Variants in CARNS1 observed in about 807,000 individuals in gnomAD.
CARNS1 encodes carnosine synthase 1, also known as ATP-grasp domain containing 1.
CARNS1 carries 61 observed loss-of-function variants against 74.0 expected under a neutral mutation model. The observed-to-expected ratio is 0.82, with a 90% CI of 0.67 to 1.02. The LOEUF is 1.02. Among genes scored for constraint, CARNS1 ranks in the 50% least tolerant of loss-of-function variants. The pLI, the probability that CARNS1 is intolerant of heterozygous loss-of-function variation, is 0.00. For missense variants in CARNS1, 1,278 were observed against 1,308.4 expected (o/e 0.98, Z 0.36); for synonymous variants, 568 against 605.5 (o/e 0.94, Z 0.91).
Position 67,419,066 on chromosome 11 carries a change from T to G in CARNS1, c.675T>G (p.Gly225=). 1 of 1,560,872 alleles carries G rather than the reference T, an allele frequency of 6.4e-7. No individual in the cohort carries two copies. ...GGCAGTTGCTGGCCCAGCAGGGTGG[T>G]GTGGCTGTGCCAGCAACCCTGGCTT... ...LTRQLLAQQG[G]VAVPATLAFT... Residue 225 remains glycine, a synonymous_variant, in exon 5 of 10, where the codon GGT becomes GGG. Transcript: ENST00000687366.
At position 67,420,869 on chromosome 11, in the gene CARNS1, G is replaced by A. The variant is rs1288136204; in HGVS notation, c.1345+29G>A. ...AGTGAGGGCGGCCGGGGCCGGGGCC[G>A]GGAGCCGAGGGCCAGGGGCTGGAGG... On this transcript the variant is annotated intron_variant, in intron 8 of 9. Coordinates refer to ENST00000687366, the MANE Select transcript of CARNS1 (RefSeq NM_001166222.2). The A allele has an allele frequency of 4.7e-6, 6 of 1,285,542 alleles. No homozygotes were observed. In the African/African-American group the frequency reaches 4.7e-5, roughly 10 times the overall value. 79.6% of individuals were successfully genotyped at this position (1,285,542 alleles called of 1,614,324 possible).
intron 1 of CARNS1, 95 bp from the exon 2 acceptor site, chr11:67,416,081 C>G: frequency 2.6e-6 from 2 of 778,278 alleles, no homozygotes; most frequent in Non-Finnish European, 4.4e-6. Context: ...GTGTCGGCCA[C>G]CTCTCCACTC....
In CARNS1 at chr11:67,423,473, C is replaced by T. The variant is rs1388013436; in HGVS notation, c.1725C>T (p.Asn575=). ...DMTEHRRDEE[N]ARLLAELVRA... ...CAGAGCACCGGAGGGATGAGGAGAA[C>T]GCACGGCTGCTGGCAGAGTTGGTGC... is the stretch of plus-strand genomic sequence containing the variant. The change falls in exon 10 of 10, where the codon AAC becomes AAT. Residue 575 remains asparagine, a synonymous_variant. Transcript: ENST00000687366. The surrounding 1 kb of genome is among the most constrained non-coding windows in gnomAD (Gnocchi z 5.1). 30 of 1,613,926 alleles carry T rather than the reference C, an allele frequency of 1.9e-5. No individual in the cohort carries two copies. Among genetic ancestry groups the T allele is most frequent in the Admixed American group, 6.7e-5 (4 of 59,994 alleles).
chr11:67,423,378 C>T lies in CARNS1; in HGVS notation c.1630C>T (p.His544Tyr), dbSNP rs1441616258. 1 of 1,598,220 alleles carries T rather than the reference C, an allele frequency of 6.3e-7. No individual in the cohort carries two copies. The highest frequency in any genetic ancestry group is 1.3e-5 in the African/African-American group (1 of 74,760). The change falls in exon 10 of 10, where the codon CAC (histidine) becomes TAC (tyrosine). Residue 544 changes from histidine to tyrosine, a missense_variant. Coordinates refer to ENST00000687366, the MANE Select transcript of CARNS1 (RefSeq NM_001166222.2). The surrounding 1 kb of genome is among the most constrained non-coding windows in gnomAD (Gnocchi z 5.1). The stretch of plus-strand genomic sequence containing the variant: ...CCCCACCCTGTGGCTTCTGCAGCTG[C>T]ACCTCGTGGAGTCAGACCCCAACCA... Reference protein sequence around the residue: ...EAARDYGLQLHLVESDPNHFA... With the variant: ...EAARDYGLQLYLVESDPNHFA...
In CARNS1 at chr11:67,424,259, T is replaced by A; in HGVS notation, c.2511T>A (p.Ala837=). 3 of 1,613,540 alleles carry A rather than the reference T, an allele frequency of 1.9e-6. No homozygotes were observed. Among genetic ancestry groups the A allele is most frequent in the Non-Finnish European group, 1.7e-6 (2 of 1,179,876 alleles). The change falls in exon 10 of 10, where the codon GCT becomes GCA. Residue 837 remains alanine (A), a synonymous_variant. Transcript: ENST00000687366. ...TCTATGGTGTTGACCTGCTGCTGGC[T>A]GCTGTTATGGTGGCCTGTGGCTTGC... The part of the protein sequence containing the change: ...LELYGVDLLL[A]AVMVACGLRP...
At position 67,423,922 on chromosome 11, in the gene CARNS1, T is replaced by C. The variant is rs1863767815; in HGVS notation, c.2174T>C (p.Met725Thr). The change falls in exon 10 of 10, where the codon ATG (methionine) becomes ACG (threonine). Residue 725 changes from methionine to threonine, a missense_variant. This residue lies in a region of CARNS1 where 1,164 missense variants were observed against 1,156.5 expected (regional missense o/e 1.01). Transcript: ENST00000687366. This position sits in a 1 kb window ranked among gnomAD's most constrained non-coding sequence, Gnocchi z 5.1. ...GGCTGGGGCAATGCCATGCTGCTGA[T>C]GGAGTTTGTGGAGGGCACCGAGCAC... is the stretch of plus-strand genomic sequence containing the variant. Reference protein sequence around the residue: ...GLGWGNAMLLMEFVEGTEHDV... With the variant: ...GLGWGNAMLLTEFVEGTEHDV... The C allele has an allele frequency of 6.2e-7, 1 of 1,613,626 alleles. No homozygotes were observed. Among genetic ancestry groups the C allele is most frequent in the African/African-American group, 1.3e-5 (1 of 75,022 alleles).
In CARNS1 at chr11:67,420,645, C is replaced by A. The variant is rs915212497; in HGVS notation, c.1150C>A (p.Arg384=). The change falls in exon 8 of 10, where the codon CGG becomes AGG. Residue 384 remains arginine (R), a synonymous_variant. Transcript: ENST00000687366. ...CGVGRGDRPL[R]HHNSLPRTLE... ...CGTGGGCCGCGGGGACCGCCCTCTA[C>A]GGCACCACAACTCCCTGCCGAGGAC... is the stretch of plus-strand genomic sequence containing the variant. 8.0e-7 allele frequency: 1 copy of A among 1,246,790 alleles called. No homozygotes were observed. The highest frequency in any genetic ancestry group is 1.0e-6 in the Non-Finnish European group (1 of 996,546). 77.2% of individuals were successfully genotyped at this position (1,246,790 alleles called of 1,614,324 possible).
chr11:67,420,567 C>A, intron 7 of CARNS1, 42 bp from the exon 8 acceptor site: 1 of 1,175,360 alleles, frequency 8.5e-7, no homozygotes, highest in Non-Finnish European at 1.1e-6. Flanking sequence ...GCGTGGGGGG[C>A]AGGGAGTGTG....
chr11:67,421,288 C>A, intron 9 of CARNS1, 69 bp downstream of exon 9: 2 of 1,346,502 alleles, frequency 1.5e-6, no homozygotes, highest in South Asian at 1.7e-5. Flanking sequence ...GACCCCGGGG[C>A]GGGGCCTGGA....
intron 3 of CARNS1, 34 bp downstream of exon 3, chr11:67,417,711 G>C: frequency 8.1e-7 from 1 of 1,236,784 alleles, no homozygotes; most frequent in Non-Finnish European, 1.0e-6. Flanking sequence ...AGGCACCTCT[G>C]GGGGCAGGGA....
rs766788175 is a variant in CARNS1, at chr11:67,425,591, GCTTATGTA to G, written c.*993_*1000del. On this transcript the variant is annotated 3_prime_UTR_variant, in exon 10 of 10. Transcript: ENST00000687366. ...CCCAGGCATCCCTCCCCAAATAAAG[GCTTATGTA>G]CTGGTGAAGTGTCTAGATAGGTTCT... 2.4e-5 allele frequency: 4 copies of G among 163,752 alleles called. No homozygotes were observed. Among genetic ancestry groups the G allele is most frequent in the Non-Finnish European group, 5.4e-5 (4 of 73,988 alleles). The allele number at this position is 163,752 out of a possible 1,614,324, so 10.1% of individuals were successfully genotyped here.
intron 1 of CARNS1, 26 bp downstream of exon 1, chr11:67,415,789 G>A (rs990801120): frequency 1.3e-5 from 2 of 156,256 alleles, no homozygotes; most frequent in Non-Finnish European, 2.8e-5. Flanking sequence ...CCCCGCCCCG[G>A]GGAGAGCCAG....
rs1214396612 is a variant in CARNS1, at chr11:67,423,902, G to A, written c.2154G>A (p.Trp718Ter). 5.0e-6 allele frequency: 8 copies of A among 1,613,690 alleles called. No homozygotes were observed. Among genetic ancestry groups the A allele is most frequent in the Admixed American group, 1.7e-5 (1 of 60,026 alleles). ...ACCACCCAGGCATTGGGCTGGGCTG[G>A]GGCAATGCCATGCTGCTGATGGAGT... ...EADHPGIGLGWGNAMLLMEFV... is the reference protein window; with the variant it reads ...EADHPGIGLG The change falls in exon 10 of 10, where the codon TGG (tryptophan) becomes TGA (stop). Residue 718 changes from tryptophan (W) to a stop codon, truncating the protein, a stop_gained. Transcript: ENST00000687366. LOFTEE classifies it high-confidence loss of function. The surrounding 1 kb of genome is among the most constrained non-coding windows in gnomAD (Gnocchi z 5.1).
Position 67,418,783 on chromosome 11 carries a change from C to T in CARNS1, c.392C>T (p.Ala131Val). 2 of 1,599,900 alleles carry T rather than the reference C, an allele frequency of 1.3e-6. No individual in the cohort carries two copies. Among genetic ancestry groups the T allele is most frequent in the African/African-American group, 1.3e-5 (1 of 74,576 alleles). ...AACATGCTCCTTTGCCTGTCCCCTGCTTGGCTGATGAAGGTGCCAGCACCC... is the reference window on the plus strand; with the variant it reads ...AACATGCTCCTTTGCCTGTCCCCTGTTTGGCTGATGAAGGTGCCAGCACCC... ...PGNMLLCLSP[A>V]WLMKVPAPGQ... Residue 131 changes from alanine to valine, a missense_variant, in exon 5 of 10, where the codon GCT becomes GTT. This residue lies in a region of CARNS1 where 1,164 missense variants were observed against 1,156.5 expected (regional missense o/e 1.01). Transcript: ENST00000687366.
Position 67,423,950 on chromosome 11 carries a change from C to T in CARNS1, c.2202C>T (p.Asp734=), listed in dbSNP as rs368838552. The change falls in exon 10 of 10, where the codon GAC becomes GAT. Residue 734 remains aspartate, a synonymous_variant. Coordinates refer to ENST00000687366, the MANE Select transcript of CARNS1 (RefSeq NM_001166222.2). The surrounding 1 kb of genome is among the most constrained non-coding windows in gnomAD (Gnocchi z 5.1). ...AGTTTGTGGAGGGCACCGAGCACGA[C>T]GTGGACCTGGTGTTGTTTGGTGGGC... ...LMEFVEGTEH[D]VDLVLFGGRL... is the part of the protein sequence containing the mutation. 134 of 1,613,480 alleles carry T rather than the reference C, an allele frequency of 8.3e-5. 1 individual carries two copies. The highest frequency in any genetic ancestry group is 7.6e-4 in the African/African-American group (57 of 74,934).
Position 67,421,061 on chromosome 11 carries a change from G to C in CARNS1, c.1468G>C (p.Gly490Arg), listed in dbSNP as rs928017154. 2 of 1,360,910 alleles carry C rather than the reference G, an allele frequency of 1.5e-6. No homozygotes were observed. The highest frequency in any genetic ancestry group is 1.5e-5 in the African/African-American group (1 of 65,014). 84.3% of individuals were successfully genotyped at this position (1,360,910 alleles called of 1,614,324 possible). ...GGGGCTGTGGGCCGCGCCGCGGCTG[G>C]GGCCGGCGGCCGACGAGGCGGTGGC... is the stretch of plus-strand genomic sequence containing the variant. ...LEGLWAAPRLGPAADEAVAAP... is the reference protein window; with the variant it reads ...LEGLWAAPRLRPAADEAVAAP... The change falls in exon 9 of 10, where the codon GGG becomes CGG. Residue 490 changes from glycine (G) to arginine (R), a missense_variant. Physicochemically the swap from Gly to Arg is moderately radical, Grantham distance 125. Around this residue, in one of 3 missense-constraint regions of CARNS1, gnomAD observed 1,164 missense variants for 1,156.5 expected, o/e 1.01. Transcript: ENST00000687366.
intron 8 of CARNS1, 46 bp downstream of exon 8, chr11:67,420,886 G>A: frequency 1.5e-6 from 2 of 1,322,578 alleles, no homozygotes; most frequent in Non-Finnish European, 9.6e-7. Flanking sequence ...GAGGGCCAGG[G>A]GCTGGAGGGC....
rs1863793622 is a variant in CARNS1, at chr11:67,424,796, C to T, written c.*195C>T. 1.5e-6 allele frequency: 1 copy of T among 659,206 alleles called. No homozygotes were observed. The highest frequency in any genetic ancestry group is 2.6e-6 in the Non-Finnish European group (1 of 385,030). The allele number at this position is 659,206 out of a possible 1,614,324, so 40.8% of individuals were successfully genotyped here. A position where few individuals can be genotyped will look rare whatever the true frequency, so the allele number is the denominator to read the frequency against. On this transcript the variant is annotated 3_prime_UTR_variant, in exon 10 of 10. Transcript: ENST00000687366. ...ATCCTGGACTCAAGGGCCTCTTGCC[C>T]TCCCGAAGGCCCCAGTCCAGCCTAC...
chr11:67,418,554 T>G (rs748134171), intron 4 of CARNS1, 34 bp downstream of exon 4: 1 of 1,520,390 alleles, frequency 6.6e-7, no homozygotes, highest in Admixed American at 2.0e-5. Context: ...CATCCCCTTC[T>G]ACAGAAAGGG....
Sources: gnomAD v4.1 joint callset for allele counts on GRCh38, gnomAD v4.1.1 for gene constraint, gnomAD v4.1.1 regional missense constraint, Gnocchi (gnomAD v3.1) non-coding constraint, MANE v1.5 for transcripts, NCBI Gene and HGNC (gene_info 2026-07-23, HGNC 2026-07-21) for gene names.